The following UCK1 variants were observed in gnomAD, a reference collection of about 807,000 sequenced individuals.
The protein encoded by UCK1 is uridine-cytidine kinase 1, also known as cytidine monophosphokinase 1.
In UCK1, 20 loss-of-function variants were observed where a neutral mutation model predicts 34.0. The ratio of observed to expected loss-of-function variants is 0.59; its 90% CI spans 0.41 to 0.86. UCK1 has a LOEUF of 0.86. UCK1 is among the 40% of genes least tolerant of loss of function. UCK1 has a pLI of 0.00. For missense variants in UCK1, 343 were observed against 383.6 expected (o/e 0.89, Z 0.88); for synonymous variants, 168 against 155.9 (o/e 1.08, Z -0.58).
At chr9:131,530,708 G>C (rs760705227) in intron 1 of UCK1, 63 bp from the exon 2 acceptor site, 1 of 1,613,916 alleles carries the variant, frequency 6.2e-7, no homozygotes, top group East Asian at 2.2e-5. Flanking sequence ...CACGGGGCCG[G>C]CTTCTGGAGA....
chr9:131,526,043 A>G, intron 5 of UCK1, 66 bp from the exon 6 acceptor site: 1 of 1,595,710 alleles, frequency 6.3e-7, no homozygotes, highest in Non-Finnish European at 8.6e-7. Flanking sequence ...TAAGATGCTC[A>G]GAAACAGATG....
At chr9:131,528,727 G>T in intron 5 of UCK1, 1 of 607,428 alleles carries the variant, frequency 1.6e-6, no homozygotes, top group South Asian at 2.0e-5. Context: ...GAATGTGGGG[G>T]AGATATGGGG....
intron 2 of UCK1, 128 bp downstream of exon 2, chr9:131,530,358 C>G: frequency 9.0e-7 from 1 of 1,113,498 alleles, no homozygotes; most frequent in East Asian, 2.4e-5. Context: ...CCACTGCAGG[C>G]TGCGTGGCGA....
chr9:131,529,499 C>T lies in UCK1; in HGVS notation c.354G>A (p.Val118=). 1 of 1,614,162 alleles carries T rather than the reference C, an allele frequency of 6.2e-7. No individual in the cohort carries two copies. The highest frequency in any genetic ancestry group is 8.5e-7 in the Non-Finnish European group (1 of 1,180,016). ...AACCACCTGCTTACCTTGAGTGTGT[C>T]ACAAAATCATAGGTCGGCACCTCCA... ...KTVEVPTYDF[V]THSRLPETTV... Residue 118 remains valine, a synonymous_variant, in exon 3 of 7, where the codon GTG becomes GTA. Coordinates refer to ENST00000372215, the MANE Select transcript of UCK1 (RefSeq NM_031432.5).
chr9:131,526,131 C>G (rs774719842), intron 5 of UCK1, 154 bp from the exon 6 acceptor site: 125 of 880,100 alleles, frequency 1.4e-4, no homozygotes, highest in Non-Finnish European at 2.0e-4. Context: ...ACTCAGTCAT[C>G]AGCCAGGTGT....
In UCK1 at chr9:131,530,545, ACCTTG is replaced by A; in HGVS notation, c.204_208del (p.Lys69ProfsTer17). 6.2e-7 allele frequency: 1 copy of A among 1,614,192 alleles called. No individual in the cohort carries two copies. The highest frequency in any genetic ancestry group is 2.2e-5 in the East Asian group (1 of 44,880). On this transcript the variant is annotated frameshift_variant, in exon 2 of 7. Coordinates refer to ENST00000372215, the MANE Select transcript of UCK1 (RefSeq NM_031432.5). LOFTEE classifies it high-confidence loss of function. Reference sequence around the variant, plus strand: ...CTTGGCCTTCTGCTCTGCCGTCAGGACCTTGTAGAACCTGTCCTGGCTCAGGATGA... The same window carrying A: ...CTTGGCCTTCTGCTCTGCCGTCAGGATAGAACCTGTCCTGGCTCAGGATGA...
At position 131,530,721 on chromosome 9, in the gene UCK1, C is replaced by A. The variant is rs756268998; in HGVS notation, c.109-76G>T. 4 of 1,613,228 alleles carry A rather than the reference C, an allele frequency of 2.5e-6. No individual in the cohort carries two copies. In the Admixed American group the frequency reaches 5.0e-5, roughly 20 times the overall value. ...GGCACGGGGCCGGCTTCTGGAGACA[C>A]TGACCCACCCGCCCCCTGGGGGGTA... On this transcript the variant is annotated intron_variant, in intron 1 of 6. Transcript: ENST00000372215.
intron 5 of UCK1, 164 bp from the exon 6 acceptor site, chr9:131,526,141 T>C: frequency 1.2e-6 from 1 of 810,902 alleles, no homozygotes; most frequent in Non-Finnish European, 2.0e-6. Flanking sequence ...CAGCCAGGTG[T>C]GAGAGGCCAT....
intron 5 of UCK1, among the ~76,000 whole-genome samples, chr9:131,527,418 C>T (rs111227031): frequency 0.031 from 4,715 of 152,266 alleles, 193 homozygotes; most frequent in African/African-American, 0.09. Flanking sequence ...CTACTCAGGT[C>T]GCTGAGGCAG....
chr9:131,531,184 C>G lies in UCK1; in HGVS notation c.-10G>C. The G allele has an allele frequency of 7.1e-7, 1 of 1,402,086 alleles. No homozygotes were observed. Among genetic ancestry groups the G allele is most frequent in the Non-Finnish European group, 9.3e-7 (1 of 1,078,378 alleles). 86.9% of individuals were successfully genotyped at this position (1,402,086 alleles called of 1,614,324 possible). On this transcript the variant is annotated 5_prime_UTR_variant, in exon 1 of 7. Coordinates refer to ENST00000372215, the MANE Select transcript of UCK1 (RefSeq NM_031432.5). ...CTCCCGCCGAAGCCATCTCGGCCTCCGCTCCCGCGCATCGGGTCCCCGCGC... is the reference window on the plus strand; with the variant it reads ...CTCCCGCCGAAGCCATCTCGGCCTCGGCTCCCGCGCATCGGGTCCCCGCGC...
chr9:131,527,614 C>T (rs1156292373), intron 5 of UCK1, among the ~76,000 whole-genome samples: 1 of 150,648 alleles, frequency 6.6e-6, no homozygotes, highest in African/African-American at 2.4e-5. Flanking sequence ...TAGTGGCTCA[C>T]ACCTGTAATC....
chr9:131,525,802 G>C, intron 6 of UCK1, 127 bp downstream of exon 6: 2 of 1,004,008 alleles, frequency 2.0e-6, no homozygotes, highest in Non-Finnish European at 3.0e-6. Context: ...TTTTAACCCT[G>C]TGCCGCAGAT....
At chr9:131,528,193 GAT>G (rs1950683917) in intron 5 of UCK1, among the ~76,000 whole-genome samples, 1 of 149,422 alleles carries the variant, frequency 6.7e-6, no homozygotes, top group Non-Finnish European at 1.5e-5. Flanking sequence ...AAAAGCAGCA[GAT>G]AGAACTTACT....
Position 131,524,039 on chromosome 9 carries a change from G to A in UCK1, c.*1001C>T, listed in dbSNP as rs1308988581. 2 of 152,334 alleles carry A rather than the reference G, an allele frequency of 1.3e-5. No individual in the cohort carries two copies. Among genetic ancestry groups the A allele is most frequent in the African/African-American group, 2.4e-5 (1 of 41,468 alleles). The allele number at this position is 152,334 out of a possible 1,614,324, so 9.4% of individuals were successfully genotyped here. On this transcript the variant is annotated 3_prime_UTR_variant, in exon 7 of 7. Transcript: ENST00000372215. The stretch of plus-strand genomic sequence containing the variant: ...AGGGAGGATCACCCCAGGCAACCCA[G>A]ACACGGGTGTTCACATGTGAGGCTG...
Position 131,528,936 on chromosome 9 carries a change from A to G in UCK1, c.603+8T>C, listed in dbSNP as rs1453537716. ...GAAAATGGGCTCTGAAGCAGCGAGC[A>G]CAGGTACCGGCAGGCAGAACTCCTC... is the stretch of plus-strand genomic sequence containing the variant. On this transcript the variant is annotated splice_region_variant and intron_variant, in intron 5 of 6. Coordinates refer to ENST00000372215, the MANE Select transcript of UCK1 (RefSeq NM_031432.5). The G allele has an allele frequency of 3.7e-6, 6 of 1,613,964 alleles. No homozygotes were observed. The highest frequency in any genetic ancestry group is 5.1e-6 in the Non-Finnish European group (6 of 1,179,912).
intron 5 of UCK1, among the ~76,000 whole-genome samples, chr9:131,526,757 C>T (rs889816500): frequency 3.3e-5 from 5 of 152,224 alleles, no homozygotes; most frequent in Non-Finnish European, 4.4e-5. Context: ...CTGCAAGAGG[C>T]AGACAGGGAC....
chr9:131,529,063 C>T (rs369339767), intron 4 of UCK1, 25 bp from the exon 5 acceptor site: 1 of 1,613,694 alleles, frequency 6.2e-7, no homozygotes. Flanking sequence ...GGCAGGCGTG[C>T]TTCAGACCTC....
intron 5 of UCK1, 37 bp from the exon 6 acceptor site, chr9:131,526,014 T>C (rs373197542): frequency 6.2e-7 from 1 of 1,612,856 alleles, no homozygotes; most frequent in African/African-American, 1.3e-5. Flanking sequence ...TGTGAGGACT[T>C]TTCCTTCAAA....
Position 131,530,635 on chromosome 9 carries a change from C to T in UCK1, c.119G>A (p.Cys40Tyr), listed in dbSNP as rs1375920018. The T allele has an allele frequency of 6.2e-7, 1 of 1,614,270 alleles. No homozygotes were observed. Among genetic ancestry groups the T allele is most frequent in the Admixed American group, 1.7e-5 (1 of 60,036 alleles). ...GGTASGKSTV[C>Y]EKIMELLGQN... is the part of the protein sequence containing the mutation. ...TCCCAGCAACTCCATGATCTTCTCA[C>T]ACACGGTCGACTGGAGACACAGAAG... The change falls in exon 2 of 7, where the codon TGT (cysteine) becomes TAT (tyrosine). Residue 40 changes from cysteine to tyrosine, a missense_variant. Transcript: ENST00000372215.
Sources: gnomAD v4.1 joint callset for allele counts (sites outside exome capture counted in the v4.1 genomes callset) on GRCh38, gnomAD v4.1.1 for gene constraint, MANE v1.5 for transcripts, NCBI Gene and HGNC (gene_info 2026-07-23, HGNC 2026-07-21) for gene names.